The following PLAC8L1 variants were observed in gnomAD, a reference collection of about 807,000 sequenced individuals.
PLAC8L1 encodes the protein PLAC8-like protein 1.
PLAC8L1 carries 13 observed loss-of-function variants against 16.3 expected under a neutral mutation model. The ratio of observed to expected loss-of-function variants is 0.80; its 90% CI spans 0.52 to 1.27. The LOEUF (loss-of-function observed/expected upper bound fraction) is 1.27. Among genes scored for constraint, PLAC8L1 ranks in the 50% most tolerant of loss-of-function variants. The probability of loss-of-function intolerance (pLI) is 0.00; values close to 1 mark genes in which losing one functional copy is unlikely to be tolerated. For synonymous variants in PLAC8L1, 78 were observed against 79.3 expected (o/e 0.98, Z 0.09); for missense variants, 184 against 220.2 (o/e 0.84, Z 1.04).
chr5:146,090,998 G>T (rs1415121357), intron 2 of PLAC8L1, among the ~76,000 whole-genome samples: 1 of 151,956 alleles, frequency 6.6e-6, no homozygotes, highest in Non-Finnish European at 1.5e-5. Context: ...AGGTTGCAGT[G>T]AGTAGAGATC....
At chr5:146,087,887 A>T (rs1317501338) in intron 2 of PLAC8L1, among the ~76,000 whole-genome samples, 2 of 152,216 alleles carry the variant, frequency 1.3e-5, no homozygotes, top group Non-Finnish European at 2.9e-5. Flanking sequence ...TGGCCAGGGA[A>T]AGAGGAAGAG....
At chr5:146,084,928 G>A (rs1411692942) in intron 3 of PLAC8L1, among the ~76,000 whole-genome samples, 4 of 152,220 alleles carry the variant, frequency 2.6e-5, no homozygotes, top group Non-Finnish European at 5.9e-5. Flanking sequence ...TGTAAGAAGG[G>A]ATAGGAAGCA....
chr5:146,094,796 A>G (rs1231632853), intron 2 of PLAC8L1, among the ~76,000 whole-genome samples: 1 of 152,228 alleles, frequency 6.6e-6, no homozygotes, highest in African/African-American at 2.4e-5. Flanking sequence ...CAAAATGTCA[A>G]AAAGAAATGG....
At chr5:146,090,961 G>A (rs113312787) in intron 2 of PLAC8L1, among the ~76,000 whole-genome samples, 1,829 of 152,148 alleles carry the variant, frequency 0.012, 36 homozygotes, top group African/African-American at 0.039. Flanking sequence ...GGCTGAGGCA[G>A]GAGAATTGCT....
intron 3 of PLAC8L1, 100 bp from the exon 4 acceptor site, chr5:146,084,672 T>C (rs904928413): frequency 6.9e-7 from 1 of 1,458,388 alleles, no homozygotes; most frequent in African/African-American, 1.4e-5. Context: ...CAACCACAGC[T>C]TCCAAGGTTC....
intron 1 of PLAC8L1, 146 bp from the exon 2 acceptor site, chr5:146,098,438 C>T (rs1763754002): frequency 3.4e-6 from 2 of 594,918 alleles, no homozygotes; most frequent in Non-Finnish European, 5.5e-6. Context: ...CATCTCCCTC[C>T]CTCCTCCCCC....
Position 146,098,189 on chromosome 5 carries a change from C to T in PLAC8L1, c.223G>A (p.Gly75Ser), listed in dbSNP as rs758032882. The change falls in exon 2 of 4, where the codon GGT becomes AGT. Residue 75 changes from glycine to serine, a missense_variant. Coordinates refer to ENST00000311450, the MANE Select transcript of PLAC8L1 (RefSeq NM_001029869.3). The part of the protein sequence containing the change: ...IVQTGGGWST[G>S]LFSVCRDRRI... ...CTATCTCTGCAGACACTGAAGAGAC[C>T]GGTGCTCCAGCCCCCGCCAGTCTGG... is the stretch of plus-strand genomic sequence containing the variant. The T allele has an allele frequency of 9.3e-6, 15 of 1,613,714 alleles. No individual in the cohort carries two copies. Among genetic ancestry groups the T allele is most frequent in the South Asian group, 7.7e-5 (7 of 90,996 alleles).
chr5:146,093,422 C>T (rs1763655461), intron 2 of PLAC8L1, among the ~76,000 whole-genome samples: 2 of 152,178 alleles, frequency 1.3e-5, no homozygotes, highest in Non-Finnish European at 2.9e-5. Flanking sequence ...GAGCCCTCCT[C>T]CCTGGAAGTG....
At chr5:146,103,447 C>T (rs544191884) in intron 1 of PLAC8L1, among the ~76,000 whole-genome samples, 5 of 152,244 alleles carry the variant, frequency 3.3e-5, no homozygotes, top group Admixed American at 3.3e-4. Context: ...GTATGAGCCA[C>T]TGCGCCTGGC....
Position 146,085,495 on chromosome 5 carries a change from A to G in PLAC8L1, c.359T>C (p.Leu120Pro). The G allele has an allele frequency of 6.2e-7, 1 of 1,614,094 alleles. No homozygotes were observed. Among genetic ancestry groups the G allele is most frequent in the South Asian group, 1.1e-5 (1 of 91,060 alleles). ...WPLLPGSTFALRIGTRERHKI... is the reference protein window; with the variant it reads ...WPLLPGSTFAPRIGTRERHKI... Reference sequence around the variant, plus strand: ...ATGTCTCTCCCTGGTGCCAATTCTCAGTGCAAAGGTGGACCCAGGTAACAA... The same window carrying G: ...ATGTCTCTCCCTGGTGCCAATTCTCGGTGCAAAGGTGGACCCAGGTAACAA... Residue 120 changes from leucine (L) to proline (P), a missense_variant, in exon 3 of 4, where the codon CTG becomes CCG. Physicochemically the swap from Leu to Pro is moderately conservative, Grantham distance 98. Transcript: ENST00000311450.
At chr5:146,091,277 T>A (rs1763614657) in intron 2 of PLAC8L1, among the ~76,000 whole-genome samples, 1 of 152,228 alleles carries the variant, frequency 6.6e-6, no homozygotes. Flanking sequence ...GAATAGTCAT[T>A]GCAGCATTAC....
At chr5:146,085,438 C>T (rs746341558) in intron 3 of PLAC8L1, 23 bp downstream of exon 3, 32 of 1,610,966 alleles carry the variant, frequency 2.0e-5, no homozygotes, top group Admixed American at 3.3e-5. Flanking sequence ...TTCGGGTTCA[C>T]GTATACCTTC....
intron 3 of PLAC8L1, among the ~76,000 whole-genome samples, 197 bp from the exon 4 acceptor site, chr5:146,084,769 G>A (rs537830190): frequency 6.6e-6 from 1 of 152,238 alleles, no homozygotes; most frequent in Non-Finnish European, 1.5e-5. Flanking sequence ...GCGATTCAGA[G>A]CGCTGCCCTT....
In PLAC8L1 at chr5:146,095,536, A is replaced by G. The variant is rs112090986; in HGVS notation, c.256+2620T>C. Among the ~76,000 whole-genome samples, 23 of 152,240 alleles carry G rather than the reference A, an allele frequency of 1.5e-4. 1 individual carries two copies. The highest frequency in any genetic ancestry group is 5.5e-4 in the African/African-American group (23 of 41,540). ...TGCAGAATCTAATATAAGCCTTCTG[A>G]CTCATCTACTCTTTGCTCTCAACAT... On this transcript the variant is annotated intron_variant, in intron 2 of 3. Transcript: ENST00000311450.
At chr5:146,103,543 T>C (rs1380046902) in intron 1 of PLAC8L1, 11 of 586,702 alleles carry the variant, frequency 1.9e-5, no homozygotes, top group African/African-American at 4.1e-5. Flanking sequence ...TTTCCCAGGA[T>C]AGGGAAGTTT....
intron 2 of PLAC8L1, among the ~76,000 whole-genome samples, chr5:146,093,035 A>G (rs987744703): frequency 2.0e-5 from 3 of 152,160 alleles, no homozygotes; most frequent in African/African-American, 7.2e-5. Flanking sequence ...ACACACACAT[A>G]TAAGCAAAAC....
intron 2 of PLAC8L1, among the ~76,000 whole-genome samples, chr5:146,093,148 T>C (rs567798498): frequency 3.3e-5 from 5 of 151,700 alleles, no homozygotes; most frequent in Admixed American, 3.3e-4. Context: ...TTTTCTTTTT[T>C]ATAATTATTA....
At chr5:146,101,571 C>G (rs950020616) in intron 1 of PLAC8L1, among the ~76,000 whole-genome samples, 3 of 152,168 alleles carry the variant, frequency 2.0e-5, no homozygotes, top group African/African-American at 4.8e-5. Context: ...CCGCACACTA[C>G]CCTGAAACCT....
chr5:146,087,278 A>G (rs1164238163), intron 2 of PLAC8L1, among the ~76,000 whole-genome samples: 1 of 152,112 alleles, frequency 6.6e-6, no homozygotes, highest in Non-Finnish European at 1.5e-5. Flanking sequence ...CCATTGATAA[A>G]CATTTGATTA....
Sources: allele counts gnomAD v4.1 joint callset (sites outside exome capture counted in the v4.1 genomes callset), GRCh38; gene constraint gnomAD v4.1.1; transcripts MANE v1.5; gene names NCBI Gene and HGNC (gene_info 2026-07-23, HGNC 2026-07-21).